Variants in RASL10B observed in about 807,000 individuals in gnomAD.
RASL10B encodes RAS like family 10 member B.
A neutral mutation model predicts 20.7 loss-of-function variants in RASL10B; 10 were observed. The observed-to-expected ratio is 0.48, with a 90% CI of 0.30 to 0.82. The LOEUF (loss-of-function observed/expected upper bound fraction) is 0.82, where lower values mean the gene tolerates loss of function less well. RASL10B is among the 40% of genes least tolerant of loss of function. The probability of loss-of-function intolerance (pLI) is 0.07; values close to 1 mark genes in which losing one functional copy is unlikely to be tolerated. For synonymous variants in RASL10B, 110 were observed against 123.3 expected, an observed-to-expected ratio of 0.89 and a Z score of 0.72; for missense variants, 231 against 295.4, an observed-to-expected ratio of 0.78 and a Z score of 1.60.
At position 35,741,258 on chromosome 17, in the gene RASL10B, C is replaced by T. The variant is rs2085627255; in HGVS notation, c.565C>T (p.Leu189=). The T allele has an allele frequency of 6.4e-7, 1 of 1,564,396 alleles. No homozygotes were observed. Among genetic ancestry groups the T allele is most frequent in the Admixed American group, 1.8e-5 (1 of 54,278 alleles). ...CCGTTGCAAGCACGTGCACGCTGCC[C>T]TGCGCTTCCAGGGCGCGCTGCGCCG... is the stretch of plus-strand genomic sequence containing the variant. ...CARCKHVHAA[L]RFQGALRRNR... is the part of the protein sequence containing the mutation. Residue 189 remains leucine, a synonymous_variant, in exon 4 of 4, where the codon CTG becomes TTG. Transcript: ENST00000603017.
At position 35,735,332 on chromosome 17, in the gene RASL10B, G is replaced by T; in HGVS notation, c.148G>T (p.Gly50Cys). ...RLYLPAVVMN[G>C]HVHDLQILDF... ...TTACCTGCCTGCTGTCGTCATGAAC[G>T]GCCACGTGCACGACCTCCAGATCCT... is the stretch of plus-strand genomic sequence containing the variant. Residue 50 changes from glycine to cysteine, a missense_variant, in exon 2 of 4, where the codon GGC becomes TGC. By Grantham distance (159) the Gly-to-Cys change is radical. Coordinates refer to ENST00000603017, the MANE Select transcript of RASL10B (RefSeq NM_033315.4). This position sits in a 1 kb window ranked among gnomAD's most constrained non-coding sequence, Gnocchi z 6.7. The T allele has an allele frequency of 1.2e-6, 2 of 1,614,162 alleles. No individual in the cohort carries two copies. Among genetic ancestry groups the T allele is most frequent in the East Asian group, 4.5e-5 (2 of 44,894 alleles).
rs1555598000 is a variant in RASL10B, at chr17:35,741,573, C to G, written c.*268C>G. The G allele has an allele frequency of 2.4e-6, 1 of 423,864 alleles. No homozygotes were observed. Among genetic ancestry groups the G allele is most frequent in the African/African-American group, 2.1e-5 (1 of 48,562 alleles). The allele number at this position is 423,864 out of a possible 1,614,324, so 26.3% of individuals were successfully genotyped here. A position where few individuals can be genotyped will look rare whatever the true frequency, so the allele number is the denominator to read the frequency against. The stretch of plus-strand genomic sequence containing the variant: ...TGCCCGGCCCGACCCGCGGGGGTGC[C>G]ACAGCCTTTTGGGATGGGGGTGAGC... On this transcript the variant is annotated 3_prime_UTR_variant, in exon 4 of 4. Transcript: ENST00000603017.
intron 3 of RASL10B, 71 bp downstream of exon 3, chr17:35,740,604 GGCACAGTATAGGGACACAGATAGA>G: frequency 1.3e-6 from 2 of 1,559,314 alleles, no homozygotes; most frequent in Non-Finnish European, 1.8e-6. Flanking sequence ...CTGTGAAAAG[GGCACAGTATAGGGACACAGATAGA>G]GGTATATGTG....
intron 3 of RASL10B, 98 bp downstream of exon 3, chr17:35,740,631 T>C (rs2085623409): frequency 7.2e-7 from 1 of 1,395,148 alleles, no homozygotes; most frequent in East Asian, 2.3e-5. Context: ...CAGATAGAGG[T>C]ATATGTGTTC....
Position 35,735,284 on chromosome 17 carries a change from G to T in RASL10B, c.100G>T (p.Val34Phe), listed in dbSNP as rs146106471. 2 of 1,613,796 alleles carry T rather than the reference G, an allele frequency of 1.2e-6. No homozygotes were observed. The highest frequency in any genetic ancestry group is 2.2e-5 in the South Asian group (2 of 91,082). Residue 34 changes from valine to phenylalanine, a missense_variant, in exon 2 of 4, where the codon GTC (valine) becomes TTC (phenylalanine). Val to Phe is a conservative substitution (Grantham distance 50). Coordinates refer to ENST00000603017, the MANE Select transcript of RASL10B (RefSeq NM_033315.4). The surrounding 1 kb of genome is among the most constrained non-coding windows in gnomAD (Gnocchi z 6.7). ...FLYNEFSEVCVPTTARRLYLP... is the reference protein window; with the variant it reads ...FLYNEFSEVCFPTTARRLYLP... ...GTACAACGAGTTCAGCGAGGTCTGCGTCCCCACCACCGCCCGCCGCCTTTA... is the reference window on the plus strand; with the variant it reads ...GTACAACGAGTTCAGCGAGGTCTGCTTCCCCACCACCGCCCGCCGCCTTTA...
rs1347879874 is a variant in RASL10B, at chr17:35,731,663, C to T, written c.-363C>T. ...CCTTCCAGCGCGAGCAGGCGGCGCG[C>T]TCCGGAGGGAGAGCTGGGGCTGGAG... On this transcript the variant is annotated 5_prime_UTR_variant, in exon 1 of 4. Coordinates refer to ENST00000603017, the MANE Select transcript of RASL10B (RefSeq NM_033315.4). The T allele has an allele frequency of 2.0e-5, 3 of 152,240 alleles. No individual in the cohort carries two copies. Among genetic ancestry groups the T allele is most frequent in the Non-Finnish European group, 4.4e-5 (3 of 68,080 alleles). 9.4% of individuals were successfully genotyped at this position (152,240 alleles called of 1,614,324 possible).
Position 35,741,265 on chromosome 17 carries a change from T to C in RASL10B, c.572T>C (p.Phe191Ser). Residue 191 changes from phenylalanine to serine, a missense_variant, in exon 4 of 4, where the codon TTC (phenylalanine) becomes TCC (serine). By Grantham distance (155) the Phe-to-Ser change is radical. Coordinates refer to ENST00000603017, the MANE Select transcript of RASL10B (RefSeq NM_033315.4). ...RCKHVHAALR[F>S]QGALRRNRCA... The stretch of plus-strand genomic sequence containing the variant: ...AAGCACGTGCACGCTGCCCTGCGCT[T>C]CCAGGGCGCGCTGCGCCGCAACCGC... The C allele has an allele frequency of 6.4e-7, 1 of 1,551,370 alleles. No individual in the cohort carries two copies. Among genetic ancestry groups the C allele is most frequent in the Non-Finnish European group, 8.7e-7 (1 of 1,147,372 alleles).
intron 2 of RASL10B, among the ~76,000 whole-genome samples, chr17:35,737,261 CCT>C (rs1311910776): frequency 1.5e-4 from 23 of 152,310 alleles, no homozygotes; most frequent in African/African-American, 4.6e-4. Flanking sequence ...CCTGCTTTGG[CCT>C]CTCAAAGTGC....
chr17:35,735,953 ACAG>A lies in RASL10B; in HGVS notation c.216+560_216+562del, dbSNP rs1222319415. ...TCACTCCACATCCTCTGGAGAAGGGACAGCAGCAGAACAGACGGGGCCCTGGGA... is the reference window on the plus strand; with the variant it reads ...TCACTCCACATCCTCTGGAGAAGGGACAGCAGAACAGACGGGGCCCTGGGA... On this transcript the variant is annotated intron_variant, in intron 2 of 3. Coordinates refer to ENST00000603017, the MANE Select transcript of RASL10B (RefSeq NM_033315.4). The surrounding 1 kb of genome is among the most constrained non-coding windows in gnomAD (Gnocchi z 6.7). 3.3e-5 allele frequency among the ~76,000 whole-genome samples: 5 copies of A among 152,302 alleles called. No individual in the cohort carries two copies. The highest frequency in any genetic ancestry group is 7.4e-5 in the Non-Finnish European group (5 of 68,018).
rs782115955 is a variant in RASL10B at position 35,735,427 on chromosome 17, T to C, written c.216+27T>C. The C allele has an allele frequency of 1.9e-6, 3 of 1,608,378 alleles. No homozygotes were observed. The highest frequency in any genetic ancestry group is 2.6e-6 in the Non-Finnish European group (3 of 1,175,266). On this transcript the variant is annotated intron_variant, in intron 2 of 3. Coordinates refer to ENST00000603017, the MANE Select transcript of RASL10B (RefSeq NM_033315.4). This position sits in a 1 kb window ranked among gnomAD's most constrained non-coding sequence, Gnocchi z 6.7. ...TAGGAGGACCCTGGGGGGCATGGGTTAGTGGGGAAACGGATGGGTAGGGGA... is the reference window on the plus strand; with the variant it reads ...TAGGAGGACCCTGGGGGGCATGGGTCAGTGGGGAAACGGATGGGTAGGGGA...
intron 1 of RASL10B, among the ~76,000 whole-genome samples, chr17:35,732,100 C>T (rs1055687462): frequency 2.0e-5 from 3 of 151,876 alleles, no homozygotes; most frequent in Non-Finnish European, 2.9e-5. Context: ...AGGCGGAGAG[C>T]GAGCTGGGCT....
In RASL10B at chr17:35,735,287, C is replaced by G; in HGVS notation, c.103C>G (p.Pro35Ala). 6.2e-7 allele frequency: 1 copy of G among 1,613,960 alleles called. No individual in the cohort carries two copies. The highest frequency in any genetic ancestry group is 8.5e-7 in the Non-Finnish European group (1 of 1,180,032). ...LYNEFSEVCV[P>A]TTARRLYLPA... Reference sequence around the variant, plus strand: ...CAACGAGTTCAGCGAGGTCTGCGTCCCCACCACCGCCCGCCGCCTTTACCT... The same window carrying G: ...CAACGAGTTCAGCGAGGTCTGCGTCGCCACCACCGCCCGCCGCCTTTACCT... Residue 35 changes from proline to alanine, a missense_variant, in exon 2 of 4, where the codon CCC (proline) becomes GCC (alanine). By Grantham distance (27) the Pro-to-Ala change is conservative. Coordinates refer to ENST00000603017, the MANE Select transcript of RASL10B (RefSeq NM_033315.4). This position sits in a 1 kb window ranked among gnomAD's most constrained non-coding sequence, Gnocchi z 6.7.
intron 2 of RASL10B, among the ~76,000 whole-genome samples, chr17:35,739,545 CACAA>C (rs1418159191): frequency 1.3e-5 from 2 of 152,178 alleles, no homozygotes; most frequent in African/African-American, 2.4e-5. Flanking sequence ...GAGAAGTTGC[CACAA>C]ACATTCAGGA....
At chr17:35,737,211 T>C (rs973906998) in intron 2 of RASL10B, 5 of 152,230 alleles carry the variant, frequency 3.3e-5, no homozygotes, top group Non-Finnish European at 7.3e-5. Flanking sequence ...CTTGCTGTGT[T>C]ACCTAAGCTG....
In RASL10B at chr17:35,742,533, G is replaced by A. The variant is rs1409466582; in HGVS notation, c.*1228G>A. The A allele has an allele frequency of 3.9e-5, 6 of 152,610 alleles. No individual in the cohort carries two copies. Among genetic ancestry groups the A allele is most frequent in the Non-Finnish European group, 5.9e-5 (4 of 68,080 alleles). 9.5% of individuals were successfully genotyped at this position (152,610 alleles called of 1,614,324 possible). A position where few individuals can be genotyped will look rare whatever the true frequency, so the allele number is the denominator to read the frequency against. ...TAACTCACTCCACCCCATTTTCTCCGGCTGCCTGGCCGGGTTTCTACCTCT... is the reference window on the plus strand; with the variant it reads ...TAACTCACTCCACCCCATTTTCTCCAGCTGCCTGGCCGGGTTTCTACCTCT... On this transcript the variant is annotated 3_prime_UTR_variant, in exon 4 of 4. Transcript: ENST00000603017.
At position 35,735,059 on chromosome 17, in the gene RASL10B, G is replaced by A. The variant is rs1224708736; in HGVS notation, c.-126G>A. On this transcript the variant is annotated 5_prime_UTR_variant, in exon 2 of 4. Coordinates refer to ENST00000603017, the MANE Select transcript of RASL10B (RefSeq NM_033315.4). This position sits in a 1 kb window ranked among gnomAD's most constrained non-coding sequence, Gnocchi z 6.7. ...ACAGTCCAGGTGGAGGCCGCAGAGG[G>A]CCCAGGGCAAGCAGAGGCAGCAATG... 16 of 971,434 alleles carry A rather than the reference G, an allele frequency of 1.6e-5. No homozygotes were observed. The highest frequency in any genetic ancestry group is 3.2e-4 in the Middle Eastern group (1 of 3,168). 60.2% of individuals were successfully genotyped at this position (971,434 alleles called of 1,614,324 possible).
In RASL10B at chr17:35,740,531, G is replaced by A. The variant is rs782370128; in HGVS notation, c.339G>A (p.Thr113=). Reference sequence around the variant, plus strand: ...CCATCCGCCAGCAGATCCTGGAGACGAGGTGAGAGGCTGGAACACAGTCCA... The same window carrying A: ...CCATCCGCCAGCAGATCCTGGAGACAAGGTGAGAGGCTGGAACACAGTCCA... ...VKTIRQQILE[T]RVIGTSETPI... is the part of the protein sequence containing the mutation. Residue 113 remains threonine (T), a splice_region_variant and synonymous_variant, in exon 3 of 4, where the codon ACG becomes ACA. Transcript: ENST00000603017. 15 of 1,613,162 alleles carry A rather than the reference G, an allele frequency of 9.3e-6. No individual in the cohort carries two copies. Among genetic ancestry groups the A allele is most frequent in the Non-Finnish European group, 1.1e-5 (13 of 1,179,618 alleles).
intron 2 of RASL10B, among the ~76,000 whole-genome samples, chr17:35,739,375 C>T (rs781866381): frequency 9.9e-5 from 15 of 152,042 alleles, no homozygotes; most frequent in Non-Finnish European, 2.1e-4. Context: ...AGGCCTCTGT[C>T]CCCCCACCTT....
Position 35,741,061 on chromosome 17 carries a change from T to G in RASL10B, c.368T>G (p.Ile123Ser). The part of the protein sequence containing the change: ...TRVIGTSETP[I>S]IIVGNKRDLQ... ...GTGATCGGAACCTCAGAGACGCCCA[T>G]CATCATCGTGGGCAACAAGCGGGAC... The change falls in exon 4 of 4, where the codon ATC becomes AGC. Residue 123 changes from isoleucine to serine, a missense_variant. Ile to Ser is a moderately radical substitution (Grantham distance 142). Transcript: ENST00000603017. 1 of 1,607,780 alleles carries G rather than the reference T, an allele frequency of 6.2e-7. No homozygotes were observed. Among genetic ancestry groups the G allele is most frequent in the Non-Finnish European group, 8.5e-7 (1 of 1,175,694 alleles).
Sources: allele counts gnomAD v4.1 joint callset (sites outside exome capture counted in the v4.1 genomes callset), GRCh38; gene constraint gnomAD v4.1.1; non-coding constraint Gnocchi (gnomAD v3.1); transcripts MANE v1.5; gene names NCBI Gene and HGNC (gene_info 2026-07-23, HGNC 2026-07-21).